Variants in SCIN observed in about 807,000 individuals in gnomAD.
SCIN encodes the protein adseverin.
In SCIN, 91 loss-of-function variants were observed where a neutral mutation model predicts 91.8. The observed-to-expected ratio is 0.99, with a 90% confidence interval of 0.84 to 1.18. The LOEUF (loss-of-function observed/expected upper bound fraction) is 1.18, where lower values mean the gene tolerates loss of function less well. Ranked by LOEUF, SCIN falls within the 50% of genes most tolerant of loss-of-function variation. SCIN has a pLI of 0.00. For synonymous variants in SCIN, 367 were observed against 312.6 expected (o/e 1.17, Z -1.84); for missense variants, 1,087 against 863.9 (o/e 1.26, Z -3.24).
At position 12,644,174 on chromosome 7, in the gene SCIN, G is replaced by T; in HGVS notation, c.1618G>T (p.Val540Phe). Residue 540 changes from valine to phenylalanine, a missense_variant, in exon 12 of 16, where the codon GTT (valine) becomes TTT (phenylalanine). Physicochemically the swap from Val to Phe is conservative, Grantham distance 50. Coordinates refer to ENST00000297029, the MANE Select transcript of SCIN (RefSeq NM_001112706.3). ...VDANSLNSND[V>F]FVLKLPQNSG... ...TGCAAATTCACTGAATTCTAACGAT[G>T]TTTTTGTCCTGAAACTGCCACAAAA... 2 of 1,613,038 alleles carry T rather than the reference G, an allele frequency of 1.2e-6. No homozygotes were observed. Among genetic ancestry groups the T allele is most frequent in the Non-Finnish European group, 1.7e-6 (2 of 1,179,446 alleles).
In SCIN at chr7:12,636,058, G is replaced by A. The variant is rs1308057721; in HGVS notation, c.1333G>A (p.Ala445Thr). 2 of 1,612,462 alleles carry A rather than the reference G, an allele frequency of 1.2e-6. No individual in the cohort carries two copies. Among genetic ancestry groups the A allele is most frequent in the Non-Finnish European group, 8.5e-7 (1 of 1,179,370 alleles). Residue 445 changes from alanine (A) to threonine (T), a missense_variant, in exon 10 of 16, where the codon GCC becomes ACC. Coordinates refer to ENST00000297029, the MANE Select transcript of SCIN (RefSeq NM_001112706.3). ...TCATTCCTCTAGGCAAGGAGCAAAT[G>A]CCACACGAGATGAGCTGACAACATC... ...QIIYTWQGANATRDELTTSAF... is the reference protein window; with the variant it reads ...QIIYTWQGANTTRDELTTSAF...
intron 4 of SCIN, among the ~76,000 whole-genome samples, chr7:12,615,427 C>T (rs1201648686): frequency 2.0e-5 from 3 of 151,948 alleles, no homozygotes; most frequent in Non-Finnish European, 2.9e-5. Flanking sequence ...TTTGTGTTCC[C>T]TCTCTCTCTC....
intron 13 of SCIN, 95 bp downstream of exon 13, chr7:12,644,800 G>A: frequency 2.4e-6 from 3 of 1,272,072 alleles, no homozygotes; most frequent in Non-Finnish European, 3.2e-6. Context: ...CAGATCACCT[G>A]AGGTCAGGAG....
Position 12,652,855 on chromosome 7 carries a change from G to C in SCIN, c.*140G>C, listed in dbSNP as rs1165630844. The C allele has an allele frequency of 9.9e-7, 1 of 1,009,786 alleles. No individual in the cohort carries two copies. Among genetic ancestry groups the C allele is most frequent in the Non-Finnish European group, 1.4e-6 (1 of 700,968 alleles). The allele number at this position is 1,009,786 out of a possible 1,614,324, so 62.6% of individuals were successfully genotyped here. A position where few individuals can be genotyped will look rare whatever the true frequency, so the allele number is the denominator to read the frequency against. ...GCGGTGGCTCACACCTGTAATCCCAGCACTTTGAGAGGATGAGGTAGGCGG... is the reference window on the plus strand; with the variant it reads ...GCGGTGGCTCACACCTGTAATCCCACCACTTTGAGAGGATGAGGTAGGCGG... On this transcript the variant is annotated 3_prime_UTR_variant, in exon 16 of 16. Coordinates refer to ENST00000297029, the MANE Select transcript of SCIN (RefSeq NM_001112706.3).
chr7:12,571,569 G>T (rs541705715), intron 1 of SCIN: 10 of 468,240 alleles, frequency 2.1e-5, no homozygotes, highest in South Asian at 1.6e-4. Flanking sequence ...CATGCTGCTT[G>T]TGGGTCTGGT....
chr7:12,629,155 G>T lies in SCIN; in HGVS notation c.1252G>T (p.Glu418Ter), dbSNP rs752026242. ...RIQVDQNSYGEFYGGDCYIIL... is the reference protein window; with the variant it reads ...RIQVDQNSYG ...CCAAGTTGACCAAAACTCATATGGT[G>T]AATTCTATGGTGGTGACTGCTACAT... is the stretch of plus-strand genomic sequence containing the variant. Residue 418 changes from glutamate to a stop codon, truncating the protein, a stop_gained, in exon 9 of 16, where the codon GAA becomes TAA. Transcript: ENST00000297029. LOFTEE classifies it high-confidence loss of function. 1 of 1,613,270 alleles carries T rather than the reference G, an allele frequency of 6.2e-7. No homozygotes were observed. The highest frequency in any genetic ancestry group is 1.1e-5 in the South Asian group (1 of 91,014).
chr7:12,638,140 C>T (rs1783789692), intron 10 of SCIN, among the ~76,000 whole-genome samples: 1 of 152,154 alleles, frequency 6.6e-6, no homozygotes, highest in Admixed American at 6.5e-5. Context: ...TTTAGATTCC[C>T]TTACTGTATA....
chr7:12,572,741 T>G (rs1782294524), intron 1 of SCIN, among the ~76,000 whole-genome samples: 1 of 152,254 alleles, frequency 6.6e-6, no homozygotes, highest in East Asian at 1.9e-4. Context: ...TAGAAAATGG[T>G]TTGGGCAGAA....
intron 2 of SCIN, among the ~76,000 whole-genome samples, chr7:12,578,603 C>T (rs1416260151): frequency 1.3e-5 from 2 of 152,038 alleles, no homozygotes; most frequent in Non-Finnish European, 2.9e-5. Context: ...GAAGTTTCTG[C>T]AAGTAACCTA....
intron 10 of SCIN, among the ~76,000 whole-genome samples, chr7:12,638,739 C>G (rs1374492117): frequency 6.6e-6 from 1 of 152,038 alleles, no homozygotes; most frequent in African/African-American, 2.4e-5. Context: ...TTAGTAGATA[C>G]AAAAATCAAG....
At chr7:12,624,455 C>A (rs544829366) in intron 5 of SCIN, among the ~76,000 whole-genome samples, 2 of 152,232 alleles carry the variant, frequency 1.3e-5, no homozygotes, top group South Asian at 4.2e-4. Context: ...ATTGCAGGAC[C>A]TATGTTGAAA....
intron 1 of SCIN, among the ~76,000 whole-genome samples, chr7:12,572,747 C>T (rs1256287993): frequency 2.0e-5 from 3 of 152,154 alleles, no homozygotes; most frequent in Middle Eastern, 6.8e-3. Flanking sequence ...ATGGTTTGGG[C>T]AGAAACATTT....
intron 4 of SCIN, among the ~76,000 whole-genome samples, chr7:12,618,177 T>C (rs2115265856): frequency 6.6e-6 from 1 of 152,250 alleles, no homozygotes; most frequent in Non-Finnish European, 1.5e-5. Flanking sequence ...TAAGTTTACA[T>C]TTAAATTCCT....
Position 12,651,864 on chromosome 7 carries a change from T to C in SCIN, c.1983T>C (p.Asp661=), listed in dbSNP as rs549094173. ...WEQIFIWIGK[D]ANEVEKKESL... ...AGATATTTATTTGGATTGGCAAAGATGCTAATGAAGTTGAGAAAAAAGAAT... is the reference window on the plus strand; with the variant it reads ...AGATATTTATTTGGATTGGCAAAGACGCTAATGAAGTTGAGAAAAAAGAAT... The change falls in exon 15 of 16, where the codon GAT becomes GAC. Residue 661 remains aspartate, a synonymous_variant. Transcript: ENST00000297029. The surrounding 1 kb of genome is among the most constrained non-coding windows in gnomAD (Gnocchi z 5.9). 6.2e-7 allele frequency: 1 copy of C among 1,600,852 alleles called. No individual in the cohort carries two copies. The highest frequency in any genetic ancestry group is 1.7e-5 in the Admixed American group (1 of 58,834).
At chr7:12,608,983 A>G (rs1441034642) in intron 4 of SCIN, among the ~76,000 whole-genome samples, 1 of 152,230 alleles carries the variant, frequency 6.6e-6, no homozygotes, top group Non-Finnish European at 1.5e-5. Flanking sequence ...CTCAACACTG[A>G]AACTCACACT....
chr7:12,629,293 G>T, intron 9 of SCIN, 71 bp downstream of exon 9: 1 of 1,399,534 alleles, frequency 7.1e-7, no homozygotes, highest in Non-Finnish European at 9.8e-7. Flanking sequence ...TAAATTCTAT[G>T]CATTATGGGG....
In SCIN at chr7:12,655,123, A is replaced by G. The variant is rs1784145906; in HGVS notation, c.*2408A>G. The G allele has an allele frequency of 1.3e-5, 2 of 152,138 alleles. No homozygotes were observed. Among genetic ancestry groups the G allele is most frequent in the Admixed American group, 1.3e-4 (2 of 15,278 alleles). The allele number at this position is 152,138 out of a possible 1,614,324, so 9.4% of individuals were successfully genotyped here. A position where few individuals can be genotyped will look rare whatever the true frequency, so the allele number is the denominator to read the frequency against. ...TAAAACCTATACCATTCTCCTGTAT[A>G]CTCTAAGTCATCTCTGCGTTACTTA... On this transcript the variant is annotated 3_prime_UTR_variant, in exon 16 of 16. Transcript: ENST00000297029.
chr7:12,624,623 A>G (rs1481494968), intron 5 of SCIN, among the ~76,000 whole-genome samples: 1 of 152,220 alleles, frequency 6.6e-6, no homozygotes, highest in Non-Finnish European at 1.5e-5. Context: ...TCTAAAATGT[A>G]CAAGAAATAA....
intron 9 of SCIN, among the ~76,000 whole-genome samples, chr7:12,634,295 G>C (rs1278038739): frequency 1.3e-5 from 2 of 152,076 alleles, no homozygotes; most frequent in African/African-American, 4.8e-5. Flanking sequence ...AGACCAGCCT[G>C]ACCAACATGG....
Sources: gnomAD v4.1 joint callset for allele counts (sites outside exome capture counted in the v4.1 genomes callset) on GRCh38, gnomAD v4.1.1 for gene constraint, Gnocchi (gnomAD v3.1) non-coding constraint, MANE v1.5 for transcripts, NCBI Gene and HGNC (gene_info 2026-07-23, HGNC 2026-07-21) for gene names.